Variants in ITPKB observed in about 807,000 individuals in gnomAD.
ITPKB encodes inositol-trisphosphate 3-kinase B.
ITPKB carries 13 observed loss-of-function variants against 69.4 expected under a neutral mutation model. That is an observed-to-expected ratio of 0.19 (90% CI 0.12 to 0.30). ITPKB has a LOEUF of 0.30. Ranked by LOEUF, ITPKB falls within the 10% of genes least tolerant of loss-of-function variation. The pLI, the probability that ITPKB is intolerant of heterozygous loss-of-function variation, is 1.00. For missense variants in ITPKB, 1,240 were observed against 1,250.5 expected (o/e 0.99, Z 0.13); for synonymous variants, 584 against 513.7 (o/e 1.14, Z -1.85).
At chr1:226,734,151 C>T (rs1238359958) in intron 2 of ITPKB, among the ~76,000 whole-genome samples, 1 of 152,242 alleles carries the variant, frequency 6.6e-6, no homozygotes, top group Non-Finnish European at 1.5e-5. Context: ...GACCGCTTCC[C>T]CCTCTAAAGG....
intron 2 of ITPKB, among the ~76,000 whole-genome samples, chr1:226,689,510 G>A (rs1482862652): frequency 6.6e-6 from 1 of 152,026 alleles, no homozygotes; most frequent in African/African-American, 2.4e-5. Context: ...CTCACTATCC[G>A]GGTGGAGAAA....
chr1:226,730,025 G>A (rs1657541133), intron 2 of ITPKB, among the ~76,000 whole-genome samples: 1 of 152,306 alleles, frequency 6.6e-6, no homozygotes, highest in South Asian at 2.1e-4. Flanking sequence ...TGGAAAAATG[G>A]ATCAGGGCTG....
In ITPKB at chr1:226,647,246, C is replaced by T; in HGVS notation, c.2167G>A (p.Gly723Arg). The change falls in exon 4 of 8, where the codon GGG becomes AGG. Residue 723 changes from glycine (G) to arginine (R), a missense_variant. Around this residue, in one of 2 missense-constraint regions of ITPKB, gnomAD observed 248 missense variants for 396.7 expected, o/e 0.63. Coordinates refer to ENST00000429204, the MANE Select transcript of ITPKB (RefSeq NM_002221.4). Reference protein sequence around the residue: ...PAYHGDVVKDGERYNQMDDLL... With the variant: ...PAYHGDVVKDRERYNQMDDLL... ...TCGTCCATCTGGTTGTAGCGCTCCC[C>T]GTCCTTCACCACATCCCCATGGTAG... 1 of 1,614,226 alleles carries T rather than the reference C, an allele frequency of 6.2e-7. No homozygotes were observed. Among genetic ancestry groups the T allele is most frequent in the Non-Finnish European group, 8.5e-7 (1 of 1,180,032 alleles).
intron 2 of ITPKB, among the ~76,000 whole-genome samples, chr1:226,681,598 A>G (rs1038163329): frequency 6.6e-6 from 1 of 152,216 alleles, no homozygotes; most frequent in African/African-American, 2.4e-5. Flanking sequence ...ATTGAGGTAA[A>G]AGGTTTGATT....
At chr1:226,649,700 CT>C (rs5781444) in intron 2 of ITPKB, among the ~76,000 whole-genome samples, 87,199 of 152,088 alleles carry the variant, frequency 0.57, 28,066 homozygotes, top group African/African-American at 0.88. Flanking sequence ...CAAGTCAATT[CT>C]TTTCTATTTC....
intron 2 of ITPKB, among the ~76,000 whole-genome samples, chr1:226,712,810 C>T (rs967567740): frequency 6.6e-6 from 1 of 152,182 alleles, no homozygotes; most frequent in South Asian, 2.1e-4. Flanking sequence ...ATTAGCGTCC[C>T]GGTGCATCAC....
intron 2 of ITPKB, among the ~76,000 whole-genome samples, chr1:226,702,871 C>A (rs1431239749): frequency 6.6e-6 from 1 of 152,206 alleles, no homozygotes; most frequent in Non-Finnish European, 1.5e-5. Flanking sequence ...TAAGCTCCTT[C>A]CAACCTCAAG....
At chr1:226,695,318 C>T (rs1425573811) in intron 2 of ITPKB, among the ~76,000 whole-genome samples, 1 of 152,174 alleles carries the variant, frequency 6.6e-6, no homozygotes, top group African/African-American at 2.4e-5. Flanking sequence ...TCAAAATTAT[C>T]TTGATTGACA....
chr1:226,715,124 T>A (rs1358841705), intron 2 of ITPKB, among the ~76,000 whole-genome samples: 1 of 152,232 alleles, frequency 6.6e-6, no homozygotes, highest in Non-Finnish European at 1.5e-5. Flanking sequence ...GACTACCACA[T>A]AATAAAAGCA....
chr1:226,644,210 G>A (rs766321871), intron 4 of ITPKB, among the ~76,000 whole-genome samples: 19 of 152,264 alleles, frequency 1.2e-4, no homozygotes, highest in Non-Finnish European at 2.6e-4. Context: ...GCTGGGGGGA[G>A]ATGTCCACAG....
chr1:226,722,453 C>T (rs945679054), intron 2 of ITPKB, among the ~76,000 whole-genome samples: 6 of 152,324 alleles, frequency 3.9e-5, no homozygotes, highest in East Asian at 3.9e-4. Context: ...AGGCGGGAGA[C>T]GGCTCGGCTC....
rs975024477 is a variant in ITPKB, at chr1:226,738,817, G to C, written c.-206+224C>G. Among the ~76,000 whole-genome samples, 1 of 152,198 alleles carries C rather than the reference G, an allele frequency of 6.6e-6. No homozygotes were observed. Among genetic ancestry groups the C allele is most frequent in the East Asian group, 1.9e-4 (1 of 5,176 alleles). On this transcript the variant is annotated intron_variant, in intron 1 of 7. Coordinates refer to ENST00000429204, the MANE Select transcript of ITPKB (RefSeq NM_002221.4). This position sits in a 1 kb window ranked among gnomAD's most constrained non-coding sequence, Gnocchi z 4.2. ...TGAGGGAGGCGGCGCGGAGTGAGCG[G>C]CCCGGAAGGCGGGTAGGAGAAATGC...
chr1:226,646,536 CCT>C (rs1669065829), intron 4 of ITPKB, among the ~76,000 whole-genome samples: 2 of 152,266 alleles, frequency 1.3e-5, no homozygotes, highest in African/African-American at 2.4e-5. Context: ...AGCCTGAGCC[CCT>C]GTCAGGAACC....
At chr1:226,712,844 G>A (rs1656995602) in intron 2 of ITPKB, among the ~76,000 whole-genome samples, 1 of 152,082 alleles carries the variant, frequency 6.6e-6, no homozygotes, top group Non-Finnish European at 1.5e-5. Flanking sequence ...TGTCTGCTTG[G>A]GGAGGGAGGA....
intron 2 of ITPKB, among the ~76,000 whole-genome samples, chr1:226,708,189 C>T (rs769215077): frequency 3.3e-5 from 5 of 152,282 alleles, no homozygotes; most frequent in South Asian, 2.1e-4. Context: ...GGATTTACAA[C>T]GATTGTAAAT....
At chr1:226,692,272 G>GT (rs1656376446) in intron 2 of ITPKB, among the ~76,000 whole-genome samples, 1 of 151,810 alleles carries the variant, frequency 6.6e-6, no homozygotes, top group East Asian at 1.9e-4. Context: ...CCTGGTTCTT[G>GT]TTTTTTATAA....
chr1:226,698,789 C>T (rs1656562035), intron 2 of ITPKB, among the ~76,000 whole-genome samples: 1 of 152,244 alleles, frequency 6.6e-6, no homozygotes, highest in African/African-American at 2.4e-5. Flanking sequence ...GTCCTGCTGA[C>T]TGCATAGTCA....
chr1:226,677,877 G>T (rs1417193487), intron 2 of ITPKB, among the ~76,000 whole-genome samples: 4 of 152,206 alleles, frequency 2.6e-5, no homozygotes, highest in Non-Finnish European at 5.9e-5. Flanking sequence ...GGAGAACGTG[G>T]CTAATGCTGA....
chr1:226,639,519 C>T, intron 6 of ITPKB, 38 bp downstream of exon 6: 2 of 1,353,556 alleles, frequency 1.5e-6, no homozygotes, highest in African/African-American at 1.4e-5. Context: ...CCCTCCCTGG[C>T]TGGCTGGAGA....
Sources: gnomAD v4.1 joint callset for allele counts (sites outside exome capture counted in the v4.1 genomes callset) on GRCh38, gnomAD v4.1.1 for gene constraint, gnomAD v4.1.1 regional missense constraint, Gnocchi (gnomAD v3.1) non-coding constraint, MANE v1.5 for transcripts, NCBI Gene and HGNC (gene_info 2026-07-23, HGNC 2026-07-21) for gene names.